CPEB3: variants seen among roughly 807,000 people sequenced by gnomAD.
The protein encoded by CPEB3 is cytoplasmic polyadenylation element binding protein 3.
Under a neutral mutation model 67.2 loss-of-function variants are expected in CPEB3, and 20 were observed. The ratio of observed to expected loss-of-function variants is 0.30; its 90% CI spans 0.21 to 0.43. CPEB3 has a LOEUF of 0.43. Ranked by LOEUF, CPEB3 falls within the 20% of genes least tolerant of loss-of-function variation. The probability of loss-of-function intolerance (pLI) is 1.00; values close to 1 mark genes in which losing one functional copy is unlikely to be tolerated. For missense variants in CPEB3, 746 were observed against 968.6 expected (o/e 0.77, Z 3.05); for synonymous variants, 376 against 393.1 (o/e 0.96, Z 0.51).
chr10:92,137,705 G>A (rs1846171315), intron 6 of CPEB3: 2 of 447,484 alleles, frequency 4.5e-6, no homozygotes, highest in South Asian at 2.6e-5. Context: ...TGGAAAGAAG[G>A]TGGATTGGCT....
intron 9 of CPEB3, among the ~76,000 whole-genome samples, chr10:92,058,418 A>G (rs572640304): frequency 1.3e-5 from 2 of 152,020 alleles, no homozygotes; most frequent in African/African-American, 4.8e-5. Context: ...GCATGGTGGC[A>G]AGTAACTGTA....
intron 6 of CPEB3, among the ~76,000 whole-genome samples, chr10:92,118,224 G>A (rs1362486218): frequency 2.6e-5 from 4 of 151,990 alleles, no homozygotes; most frequent in South Asian, 2.1e-4. Context: ...CTCTGCCTCC[G>A]GGGTTCAGGT....
intron 1 of CPEB3, among the ~76,000 whole-genome samples, chr10:92,287,269 C>T (rs1590626976): frequency 2.0e-5 from 3 of 152,208 alleles, no homozygotes; most frequent in African/African-American, 7.2e-5. Context: ...GCTGGGACTA[C>T]AGGTATGCGC....
intron 1 of CPEB3, among the ~76,000 whole-genome samples, chr10:92,257,852 CCT>C (rs1353905482): frequency 2.0e-5 from 3 of 151,494 alleles, no homozygotes; most frequent in Admixed American, 1.3e-4. Context: ...GCCTCAGCCC[CCT>C]GAGTAGCTGG....
At chr10:92,108,022 C>T (rs946352279) in intron 7 of CPEB3, among the ~76,000 whole-genome samples, 6 of 152,114 alleles carry the variant, frequency 3.9e-5, no homozygotes, top group Non-Finnish European at 7.4e-5. Context: ...CTATCAGGTT[C>T]TGCATTAGAA....
chr10:92,166,421 T>C (rs1847749594), intron 4 of CPEB3, among the ~76,000 whole-genome samples: 1 of 152,196 alleles, frequency 6.6e-6, no homozygotes, highest in Non-Finnish European at 1.5e-5. Flanking sequence ...CAAAATGTAT[T>C]TCTTCAACAA....
At chr10:92,148,799 G>C (rs1273949471) in intron 4 of CPEB3, among the ~76,000 whole-genome samples, 1 of 152,006 alleles carries the variant, frequency 6.6e-6, no homozygotes, top group Non-Finnish European at 1.5e-5. Context: ...AGAAAATTGA[G>C]ACTTTTCCTA....
chr10:92,188,592 T>C (rs1212083595), intron 3 of CPEB3, among the ~76,000 whole-genome samples: 3 of 151,900 alleles, frequency 2.0e-5, no homozygotes, highest in African/African-American at 7.3e-5. Context: ...TGATGGTACA[T>C]GCCTGTAATC....
chr10:92,097,264 A>C (rs1053758859), intron 7 of CPEB3, among the ~76,000 whole-genome samples: 2 of 152,258 alleles, frequency 1.3e-5, no homozygotes, highest in Non-Finnish European at 2.9e-5. Context: ...AAATGTTAAA[A>C]GTCACTATAC....
At chr10:92,099,114 T>C (rs1030446047) in intron 7 of CPEB3, among the ~76,000 whole-genome samples, 2 of 151,550 alleles carry the variant, frequency 1.3e-5, no homozygotes, top group African/African-American at 4.9e-5. Flanking sequence ...TAATTATAGC[T>C]CCATATAAAA....
intron 1 of CPEB3, among the ~76,000 whole-genome samples, chr10:92,283,846 C>T (rs771655369): frequency 8.0e-5 from 12 of 149,272 alleles, no homozygotes; most frequent in Non-Finnish European, 1.5e-4. Flanking sequence ...CCTGCCTCAG[C>T]CTCCCGAGTA....
intron 4 of CPEB3, among the ~76,000 whole-genome samples, chr10:92,169,501 C>T (rs1398854834): frequency 2.0e-5 from 3 of 152,192 alleles, no homozygotes; most frequent in Non-Finnish European, 4.4e-5. Flanking sequence ...TTCTCTCCCC[C>T]AGTAAAGACA....
At chr10:92,277,511 G>GCCA (rs1382435066) in intron 1 of CPEB3, among the ~76,000 whole-genome samples, 1 of 152,138 alleles carries the variant, frequency 6.6e-6, no homozygotes, top group Non-Finnish European at 1.5e-5. Context: ...CTATTCTTAT[G>GCCA]CCACCACCAC....
chr10:92,233,173 T>C lies in CPEB3; in HGVS notation c.1005+6173A>G, dbSNP rs370488249. Reference sequence around the variant, plus strand: ...TCTTAAATCTAGGTCATACTATCCTTATTCAAAAGCAAGCACAAACAAGAC... The same window carrying C: ...TCTTAAATCTAGGTCATACTATCCTCATTCAAAAGCAAGCACAAACAAGAC... On this transcript the variant is annotated intron_variant, in intron 2 of 9. Coordinates refer to ENST00000265997, the MANE Select transcript of CPEB3 (RefSeq NM_014912.5). 3.3e-5 allele frequency among the ~76,000 whole-genome samples: 5 copies of C among 152,204 alleles called. No homozygotes were observed. In the East Asian group the frequency reaches 5.8e-4, roughly 18 times the overall value.
intron 1 of CPEB3, among the ~76,000 whole-genome samples, chr10:92,260,150 A>G (rs1852727084): frequency 6.6e-6 from 1 of 152,206 alleles, no homozygotes; most frequent in Admixed American, 6.5e-5. Context: ...ACTGACACAA[A>G]GCTTTTATGT....
At chr10:92,234,022 G>A (rs879872863) in intron 2 of CPEB3, among the ~76,000 whole-genome samples, 6 of 149,760 alleles carry the variant, frequency 4.0e-5, no homozygotes, top group South Asian at 2.1e-4. Context: ...CAGGAGAATC[G>A]CTTGAACCCA....
chr10:92,111,329 C>T (rs892707295), intron 6 of CPEB3, 135 bp from the exon 7 acceptor site: 14 of 688,694 alleles, frequency 2.0e-5, no homozygotes, highest in Non-Finnish European at 3.4e-5. Context: ...GACAAAGGGA[C>T]TTTGTCCAGG....
At chr10:92,248,409 G>C (rs1852158813) in intron 1 of CPEB3, among the ~76,000 whole-genome samples, 1 of 152,160 alleles carries the variant, frequency 6.6e-6, no homozygotes, top group Non-Finnish European at 1.5e-5. Flanking sequence ...GATAAGAAAG[G>C]ACAACTGTAC....
In CPEB3 at chr10:92,215,966, T is replaced by C. The variant is rs564268227; in HGVS notation, c.1006-23330A>G. ...GGTTTCACCATGTTGGCCAGGATGG[T>C]CTCCATCTCCTGACCTCATGATCCA... On this transcript the variant is annotated intron_variant, in intron 2 of 9. Transcript: ENST00000265997. Among the ~76,000 whole-genome samples, 732 of 148,786 alleles carry C rather than the reference T, an allele frequency of 4.9e-3. 4 individuals are homozygous for C. The highest frequency in any genetic ancestry group is 9.1e-3 in the Non-Finnish European group (613 of 67,238).
Sources: gnomAD v4.1 joint callset for allele counts (sites outside exome capture counted in the v4.1 genomes callset) on GRCh38, gnomAD v4.1.1 for gene constraint, MANE v1.5 for transcripts, NCBI Gene and HGNC (gene_info 2026-07-23, HGNC 2026-07-21) for gene names.